The following SPRYD3 variants were observed in gnomAD, a reference collection of about 807,000 sequenced individuals.
SPRYD3 encodes SPRY domain containing 3, also known as SPRY domain-containing protein 3.
A neutral mutation model predicts 50.1 loss-of-function variants in SPRYD3; 17 were observed. The ratio of observed to expected loss-of-function variants is 0.34; its 90% CI spans 0.23 to 0.51. SPRYD3 has a LOEUF of 0.51. Ranked by LOEUF, SPRYD3 falls within the 20% of genes least tolerant of loss-of-function variation. The probability of loss-of-function intolerance (pLI) is 0.97; values close to 1 mark genes in which losing one functional copy is unlikely to be tolerated. For missense variants in SPRYD3, 401 were observed against 591.2 expected (o/e 0.68, Z 3.34); for synonymous variants, 198 against 215.5 (o/e 0.92, Z 0.71).
intron 10 of SPRYD3, among the ~76,000 whole-genome samples, 159 bp from the exon 11 acceptor site, chr12:53,066,125 C>A (rs1409645891): frequency 6.6e-6 from 1 of 152,168 alleles, no homozygotes; most frequent in Non-Finnish European, 1.5e-5. Context: ...AGAGGGCGTG[C>A]TGAGGCCGGA....
In SPRYD3 at chr12:53,073,761, G is replaced by A. The variant is rs1159475965; in HGVS notation, c.508-290C>T. ...CGGGAGGCTGAGGCAGGAGAATGGCGTGAACCCGGGAGGCGGAGCTTGCAG... is the reference window on the plus strand; with the variant it reads ...CGGGAGGCTGAGGCAGGAGAATGGCATGAACCCGGGAGGCGGAGCTTGCAG... On this transcript the variant is annotated intron_variant, in intron 5 of 10. Transcript: ENST00000301463. Among the ~76,000 whole-genome samples, 8 of 151,546 alleles carry A rather than the reference G, an allele frequency of 5.3e-5. No individual in the cohort carries two copies. In the South Asian group the frequency reaches 8.3e-4, roughly 16 times the overall value.
rs759551986 is a variant in SPRYD3 at position 53,066,350 on chromosome 12, T to G, written c.1158A>C (p.Glu386Asp). The G allele has an allele frequency of 6.2e-7, 1 of 1,613,658 alleles. No individual in the cohort carries two copies. The highest frequency in any genetic ancestry group is 1.1e-5 in the South Asian group (1 of 91,064). ...EEEEEEEEDG[E>D]EIEPEHEGRK... ...TGCCCTCATGCTCCGGCTCTATCTC[T>G]TCCCCATCCTCTTCCTCTTCCTCTT... Residue 386 changes from glutamate to aspartate, a missense_variant, in exon 10 of 11, where the codon GAA becomes GAC. Physicochemically the swap from Glu to Asp is conservative, Grantham distance 45 (BLOSUM62 2). Coordinates refer to ENST00000301463, the MANE Select transcript of SPRYD3 (RefSeq NM_032840.3).
At chr12:53,075,602 T>C (rs1036402698) in intron 3 of SPRYD3, 134 bp downstream of exon 3, 1 of 718,198 alleles carries the variant, frequency 1.4e-6, no homozygotes, top group Non-Finnish European at 2.4e-6. Context: ...CTGCACCTAT[T>C]TCCCAGCCAA....
At chr12:53,076,671 T>C (rs1944590435) in intron 2 of SPRYD3, among the ~76,000 whole-genome samples, 1 of 152,048 alleles carries the variant, frequency 6.6e-6, no homozygotes, top group Non-Finnish European at 1.5e-5. Flanking sequence ...CAGAGGTGAG[T>C]GCAGGGTGAA....
chr12:53,072,288 A>C (rs1440454585), intron 6 of SPRYD3, among the ~76,000 whole-genome samples: 1 of 152,310 alleles, frequency 6.6e-6, no homozygotes, highest in East Asian at 1.9e-4. Context: ...GAGTGTCAGA[A>C]GCAGCAGGAG....
chr12:53,075,049 C>T (rs925979538), intron 4 of SPRYD3, 46 bp downstream of exon 4: 1 of 1,598,554 alleles, frequency 6.3e-7, no homozygotes, highest in Admixed American at 1.7e-5. Flanking sequence ...ATCTAAGATT[C>T]CCAAATTCAT....
Position 53,067,659 on chromosome 12 carries a change from G to A in SPRYD3, c.890C>T (p.Ala297Val). Residue 297 changes from alanine to valine, a missense_variant, in exon 8 of 11, where the codon GCT becomes GTT. Ala to Val is a moderately conservative substitution (Grantham distance 64). Transcript: ENST00000301463. ...RHPGWSRGSV[A>V]YHADDGKIFH... Reference sequence around the variant, plus strand: ...AGCCCGCTATTCACCTGCATGATAAGCCACAGACCCTCTGCTCCAGCCAGG... The same window carrying A: ...AGCCCGCTATTCACCTGCATGATAAACCACAGACCCTCTGCTCCAGCCAGG... 1 of 1,614,074 alleles carries A rather than the reference G, an allele frequency of 6.2e-7. No individual in the cohort carries two copies. Among genetic ancestry groups the A allele is most frequent in the Non-Finnish European group, 8.5e-7 (1 of 1,179,948 alleles).
chr12:53,068,371 A>C (rs554037163), intron 6 of SPRYD3, 67 bp from the exon 7 acceptor site: 1 of 1,578,656 alleles, frequency 6.3e-7, no homozygotes, highest in East Asian at 2.2e-5. Context: ...CCTGGGCCCA[A>C]GGCAGTCTGG....
At chr12:53,075,025 A>G (rs946322621) in intron 4 of SPRYD3, 70 bp downstream of exon 4, 1 of 1,586,738 alleles carries the variant, frequency 6.3e-7, no homozygotes, top group Non-Finnish European at 8.6e-7. Context: ...AGCCAGCCCA[A>G]GGTAGTTCTT....
rs758900368 is a variant in SPRYD3, at chr12:53,066,597, G to C, written c.997C>G (p.Arg333Gly). The change falls in exon 9 of 11, where the codon CGG (arginine) becomes GGG (glycine). Residue 333 changes from arginine (R) to glycine (G), a missense_variant. Transcript: ENST00000301463. ...DIMGCGIMFP[R>G]DYILDSEGDS... ...CCCTCACTGTCCAAAATGTAGTCCC[G>C]GGGGAACATGATTCCACAGCCCATG... The C allele has an allele frequency of 6.8e-6, 11 of 1,613,678 alleles. No individual in the cohort carries two copies. In the South Asian group the frequency reaches 1.2e-4, roughly 18 times the overall value.
Position 53,066,579 on chromosome 12 carries a change from T to C in SPRYD3, c.1015A>G (p.Ser339Gly), listed in dbSNP as rs1386186689. The C allele has an allele frequency of 1.2e-6, 2 of 1,613,986 alleles. No homozygotes were observed. The highest frequency in any genetic ancestry group is 1.7e-5 in the Admixed American group (1 of 59,994). Residue 339 changes from serine to glycine, a missense_variant, in exon 9 of 11, where the codon AGT becomes GGT. Physicochemically the swap from Ser to Gly is moderately conservative, Grantham distance 56 (BLOSUM62 0). Coordinates refer to ENST00000301463, the MANE Select transcript of SPRYD3 (RefSeq NM_032840.3). The stretch of plus-strand genomic sequence containing the variant: ...CCACCCCTACCCCACTCACCCTCAC[T>C]GTCCAAAATGTAGTCCCGGGGGAAC... ...IMFPRDYILD[S>G]EGDSDDSCDT...
chr12:53,075,015 A>G lies in SPRYD3; in HGVS notation c.371+80T>C, dbSNP rs993015834. 4 of 1,573,054 alleles carry G rather than the reference A, an allele frequency of 2.5e-6. No homozygotes were observed. The African/African-American group carries it at 5.4e-5, about 21-fold the overall frequency. ...AGTCTATGAAACACCCAATGGGAAA[A>G]GCCAGCCCAAGGTAGTTCTTCAGAT... On this transcript the variant is annotated intron_variant, in intron 4 of 10. Transcript: ENST00000301463.
intron 10 of SPRYD3, 142 bp from the exon 11 acceptor site, chr12:53,066,108 G>C: frequency 7.4e-7 from 1 of 1,349,998 alleles, no homozygotes; most frequent in Non-Finnish European, 1.0e-6. Context: ...TATGGGAAGT[G>C]ACCACCAGAG....
intron 3 of SPRYD3, 79 bp downstream of exon 3, chr12:53,075,657 T>C: frequency 8.7e-7 from 1 of 1,154,146 alleles, no homozygotes; most frequent in Non-Finnish European, 1.3e-6. Context: ...GTCATACATC[T>C]AGTAAAGGAG....
chr12:53,067,687 G>T lies in SPRYD3; in HGVS notation c.862C>A (p.His288Asn). 1 of 1,614,054 alleles carries T rather than the reference G, an allele frequency of 6.2e-7. No homozygotes were observed. Among genetic ancestry groups the T allele is most frequent in the Non-Finnish European group, 8.5e-7 (1 of 1,179,968 alleles). ...ACAGACCCTCTGCTCCAGCCAGGGT[G>T]CCTGTTCTTGGGATAGTCCTGCACC... The part of the protein sequence containing the change: ...LARKDYPKNR[H>N]PGWSRGSVAY... Residue 288 changes from histidine to asparagine, a missense_variant, in exon 8 of 11, where the codon CAC becomes AAC. Coordinates refer to ENST00000301463, the MANE Select transcript of SPRYD3 (RefSeq NM_032840.3).
chr12:53,069,056 G>A (rs959543323), intron 6 of SPRYD3, among the ~76,000 whole-genome samples: 28 of 152,068 alleles, frequency 1.8e-4, no homozygotes, highest in African/African-American at 3.6e-4. Flanking sequence ...GGTAGGATAG[G>A]GGAGATGACT....
intron 1 of SPRYD3, chr12:53,078,053 G>A: frequency 2.2e-6 from 1 of 447,202 alleles, no homozygotes; most frequent in South Asian, 1.6e-5. Flanking sequence ...AGGTGTGGCA[G>A]CATGCACCTG....
rs773586966 is a variant in SPRYD3, at chr12:53,077,125, C to T, written c.160G>A (p.Asp54Asn). The T allele has an allele frequency of 1.2e-6, 2 of 1,614,118 alleles. No individual in the cohort carries two copies. The highest frequency in any genetic ancestry group is 1.7e-6 in the Non-Finnish European group (2 of 1,179,994). ...TTCTCCTGAACTCACCTTAAAGTAT[C>T]TCCATCTACAAGGATATGTTTGAAC... is the stretch of plus-strand genomic sequence containing the variant. ...ERFKHILVDG[D>N]TLSYHGNSGE... The change falls in exon 2 of 11, where the codon GAT becomes AAT. Residue 54 changes from aspartate (D) to asparagine (N), a missense_variant. By Grantham distance (23) the Asp-to-Asn change is conservative (BLOSUM62 1). Coordinates refer to ENST00000301463, the MANE Select transcript of SPRYD3 (RefSeq NM_032840.3).
chr12:53,069,737 C>T (rs543461409), intron 6 of SPRYD3, among the ~76,000 whole-genome samples: 2 of 152,338 alleles, frequency 1.3e-5, no homozygotes, highest in African/African-American at 4.8e-5. Flanking sequence ...AGCCTGGGTT[C>T]CTCCTCTGCC....
Sources: gnomAD v4.1 joint callset for allele counts (sites outside exome capture counted in the v4.1 genomes callset) on GRCh38, gnomAD v4.1.1 for gene constraint, MANE v1.5 for transcripts, NCBI Gene and HGNC (gene_info 2026-07-23, HGNC 2026-07-21) for gene names.